Variants in MAF observed in about 807,000 individuals in gnomAD.
The protein encoded by MAF is transcription factor Maf.
A neutral mutation model predicts 22.0 loss-of-function variants in MAF; 10 were observed. The observed-to-expected ratio is 0.45, with a 90% CI of 0.28 to 0.77. MAF has a LOEUF of 0.77. Ranked by LOEUF, MAF falls within the 30% of genes least tolerant of loss-of-function variation. The pLI is 0.12. For synonymous variants in MAF, 337 were observed against 255.8 expected, an observed-to-expected ratio of 1.32 and a Z score of -3.03; for missense variants, 544 against 548.4, an observed-to-expected ratio of 0.99 and a Z score of 0.08.
chr16:79,374,166 G>A, the MAF span, among the ~76,000 whole-genome samples: 2 of 152,190 alleles, frequency 1.3e-5, no homozygotes, highest in African/African-American at 4.8e-5. Context: ...CCCGGTTGGT[G>A]CTTACTTAAC....
the MAF span, among the ~76,000 whole-genome samples, chr16:79,345,726 CAAAAAAAAA>C: frequency 7.3e-5 from 5 of 68,340 alleles, no homozygotes; most frequent in South Asian, 8.1e-4. Flanking sequence ...GACTCCGTCT[CAAAAAAAAA>C]AAAAAAAAAA....
At chr16:79,416,665 G>A in the MAF span, among the ~76,000 whole-genome samples, 47 of 152,242 alleles carry the variant, frequency 3.1e-4, 1 homozygote, top group Middle Eastern at 6.8e-3. Context: ...TCCTGGGAGC[G>A]CGGTGCTCCG....
chr16:79,264,377 A>T, the MAF span: 1 of 152,206 alleles, frequency 6.6e-6, no homozygotes, highest in Non-Finnish European at 1.5e-5. Context: ...TACTGTAACT[A>T]AGCATTTTAA....
In MAF at chr16:79,594,476, C is replaced by G; in HGVS notation, c.1196G>C (p.Ser399Thr). 6.4e-7 allele frequency: 1 copy of G among 1,561,274 alleles called. No homozygotes were observed. Among genetic ancestry groups the G allele is most frequent in the South Asian group, 1.2e-5 (1 of 84,878 alleles). ...FWKPQHRVLT[S>T]VFTK ...ACACAAATTTCATTTTGTGAACACA[C>G]TGGTAAGTACACGATGCTGGGGCTT... is the stretch of plus-strand genomic sequence containing the variant. Residue 399 changes from serine (S) to threonine (T), a missense_variant, in exon 2 of 2, where the codon AGT (serine) becomes ACT (threonine). Physicochemically the swap from Ser to Thr is moderately conservative, Grantham distance 58 (BLOSUM62 1). Transcript: ENST00000326043.
At chr16:79,580,221 G>T in the MAF span, among the ~76,000 whole-genome samples, 1 of 152,062 alleles carries the variant, frequency 6.6e-6, no homozygotes, top group Non-Finnish European at 1.5e-5. Flanking sequence ...CTATTATGTG[G>T]CCACAGATCT....
At chr16:79,258,130 T>C in the MAF span, among the ~76,000 whole-genome samples, 1 of 152,160 alleles carries the variant, frequency 6.6e-6, no homozygotes, top group Non-Finnish European at 1.5e-5. Context: ...GCAGAATCTG[T>C]CTCTGAGATG....
the MAF span, among the ~76,000 whole-genome samples, chr16:79,412,769 G>C: frequency 6.6e-6 from 1 of 152,200 alleles, no homozygotes; most frequent in Non-Finnish European, 1.5e-5. Context: ...GCTTAAAGCT[G>C]TCCTAAAGGA....
the MAF span, among the ~76,000 whole-genome samples, chr16:79,459,955 G>A: frequency 6.6e-6 from 1 of 152,156 alleles, no homozygotes; most frequent in Non-Finnish European, 1.5e-5. Context: ...AATCAAGGAA[G>A]CGTATTTGCT....
At chr16:79,587,574 C>T (rs1229673616) in intron 1 of MAF, among the ~76,000 whole-genome samples, 1 of 152,140 alleles carries the variant, frequency 6.6e-6, no homozygotes, top group African/African-American at 2.4e-5. Flanking sequence ...GGAATATTTA[C>T]ATGAGATCAT....
chr16:79,232,993 T>C, the MAF span, among the ~76,000 whole-genome samples: 1 of 151,604 alleles, frequency 6.6e-6, no homozygotes, highest in Non-Finnish European at 1.5e-5. Flanking sequence ...GGCGCCCGCC[T>C]CCATGCACGG....
chr16:79,408,718 C>T, the MAF span, among the ~76,000 whole-genome samples: 3 of 151,858 alleles, frequency 2.0e-5, no homozygotes, highest in African/African-American at 7.3e-5. Context: ...CTCCTCCACT[C>T]CCTTTTATTT....
At chr16:79,571,936 G>C in the MAF span, among the ~76,000 whole-genome samples, 1 of 152,022 alleles carries the variant, frequency 6.6e-6, no homozygotes, top group African/African-American at 2.4e-5. Context: ...CCCTTTCTTT[G>C]CCAGCCCCTG....
At chr16:79,219,069 A>C in the MAF span, among the ~76,000 whole-genome samples, 3 of 152,196 alleles carry the variant, frequency 2.0e-5, no homozygotes, top group Non-Finnish European at 1.5e-5. Flanking sequence ...CTCTAAGCTG[A>C]TCTGTTTACA....
the MAF span, among the ~76,000 whole-genome samples, chr16:79,451,667 T>C: frequency 6.6e-6 from 1 of 152,186 alleles, no homozygotes; most frequent in Non-Finnish European, 1.5e-5. Context: ...ATTTAAAATA[T>C]CTTTTTTATT....
chr16:79,245,938 T>C, the MAF span, among the ~76,000 whole-genome samples: 1 of 152,042 alleles, frequency 6.6e-6, no homozygotes, highest in Non-Finnish European at 1.5e-5. Context: ...ACCATCATTC[T>C]CAGCAAACTA....
chr16:79,554,149 A>G, the MAF span, among the ~76,000 whole-genome samples: 13 of 152,096 alleles, frequency 8.5e-5, no homozygotes, highest in Admixed American at 5.9e-4. Flanking sequence ...CCAAGAATGA[A>G]TGATTGATTC....
the MAF span, among the ~76,000 whole-genome samples, chr16:79,251,487 T>C: frequency 6.6e-6 from 1 of 152,042 alleles, no homozygotes; most frequent in Non-Finnish European, 1.5e-5. Context: ...GGCCAATTTT[T>C]TGTATTTTTA....
chr16:79,486,276 A>C, the MAF span, among the ~76,000 whole-genome samples: 1 of 152,230 alleles, frequency 6.6e-6, no homozygotes, highest in South Asian at 2.1e-4. Context: ...GAATGAGAAA[A>C]TGAAATTTAT....
chr16:79,402,611 G>T, the MAF span, among the ~76,000 whole-genome samples: 1 of 152,246 alleles, frequency 6.6e-6, no homozygotes, highest in Admixed American at 6.5e-5. Context: ...GAAGGCCAAG[G>T]TTAGCCAGCC....
Sources: gnomAD v4.1 joint callset for allele counts (sites outside exome capture counted in the v4.1 genomes callset) on GRCh38, gnomAD v4.1.1 for gene constraint, MANE v1.5 for transcripts, NCBI Gene and HGNC (gene_info 2026-07-23, HGNC 2026-07-21) for gene names.